Variants in PTCD3 observed in about 807,000 individuals in gnomAD.
PTCD3 encodes pentatricopeptide repeat domain 3.
A neutral mutation model predicts 101.9 loss-of-function variants in PTCD3; 89 were observed. The observed-to-expected ratio is 0.87, with a 90% CI of 0.74 to 1.04. The LOEUF (loss-of-function observed/expected upper bound fraction) is 1.04, where lower values mean the gene tolerates loss of function less well. PTCD3 is among the 50% of genes least tolerant of loss of function. The pLI, the probability that PTCD3 is intolerant of heterozygous loss-of-function variation, is 0.00. For synonymous variants in PTCD3, 296 were observed against 278.5 expected, an observed-to-expected ratio of 1.06 and a Z score of -0.63; for missense variants, 870 against 828.2, an observed-to-expected ratio of 1.05 and a Z score of -0.62.
intron 1 of PTCD3, chr2:86,107,139 C>T (rs753790967): frequency 2.1e-6 from 1 of 470,984 alleles, no homozygotes; most frequent in Admixed American, 2.4e-5. Flanking sequence ...AAAGAGAAAC[C>T]ACTCCATCTG....
chr2:86,127,310 G>A lies in PTCD3; in HGVS notation c.1096+5G>A. The A allele has an allele frequency of 6.2e-7, 1 of 1,613,182 alleles. No homozygotes were observed. The highest frequency in any genetic ancestry group is 1.1e-5 in the South Asian group (1 of 90,902). On this transcript the variant is annotated splice_donor_5th_base_variant and intron_variant, in intron 13 of 23. Coordinates refer to ENST00000254630, the MANE Select transcript of PTCD3 (RefSeq NM_017952.6). ...AAATGAAAGCCATTGGAATAGGTGA[G>A]GATGCGCCCTTGAGTTCTCTGAGGA...
At chr2:86,132,018 T>A (rs1674501648) in intron 16 of PTCD3, among the ~76,000 whole-genome samples, 1 of 152,200 alleles carries the variant, frequency 6.6e-6, no homozygotes, top group Non-Finnish European at 1.5e-5. Context: ...GATTTTGGAG[T>A]TATTTCATGG....
chr2:86,125,440 T>C lies in PTCD3; in HGVS notation c.805-15T>C, dbSNP rs745367129. 6.2e-7 allele frequency: 1 copy of C among 1,608,350 alleles called. No homozygotes were observed. Among genetic ancestry groups the C allele is most frequent in the East Asian group, 2.2e-5 (1 of 44,858 alleles). ...AGTAAATGAATTTGATGATGCTTAA[T>C]TTTTCCTTTTCCAGCACCGAGCTTA... is the stretch of plus-strand genomic sequence containing the variant. On this transcript the variant is annotated splice_polypyrimidine_tract_variant and intron_variant, in intron 10 of 23. Transcript: ENST00000254630.
intron 21 of PTCD3, chr2:86,136,149 G>C: frequency 2.3e-6 from 1 of 439,368 alleles, no homozygotes; most frequent in Non-Finnish European, 4.4e-6. Context: ...TCCTCTACAA[G>C]AGGACAAATA....
At chr2:86,136,419 G>T (rs1189643525) in intron 21 of PTCD3, 102 bp from the exon 22 acceptor site, 2 of 1,175,026 alleles carry the variant, frequency 1.7e-6, no homozygotes, top group Non-Finnish European at 2.5e-6. Context: ...GTATAGTTAA[G>T]AAAAGGGCAT....
chr2:86,117,176 A>G lies in PTCD3; in HGVS notation c.414+17A>G. ...CATATACCGGTAAGGAGAGGTAGTTACATTATTTACATAATACTATTTTAA... is the reference window on the plus strand; with the variant it reads ...CATATACCGGTAAGGAGAGGTAGTTGCATTATTTACATAATACTATTTTAA... On this transcript the variant is annotated intron_variant, in intron 6 of 23. Transcript: ENST00000254630. 1.2e-6 allele frequency: 1 copy of G among 861,590 alleles called. No homozygotes were observed. Among genetic ancestry groups the G allele is most frequent in the Non-Finnish European group, 2.0e-6 (1 of 507,712 alleles). 53.4% of individuals were successfully genotyped at this position (861,590 alleles called of 1,614,324 possible). A position where few individuals can be genotyped will look rare whatever the true frequency, so the allele number is the denominator to read the frequency against.
rs774864956 is a variant in PTCD3 at position 86,137,081 on chromosome 2, T to G, written c.1920T>G (p.Pro640=). 10 of 1,612,234 alleles carry G rather than the reference T, an allele frequency of 6.2e-6. No individual in the cohort carries two copies. Among genetic ancestry groups the G allele is most frequent in the South Asian group, 4.4e-5 (4 of 90,528 alleles). ...VVELASAFSL[P]ICEGLTQRVM... ...AGCTGGCAAGTGCCTTCAGCTTACC[T>G]ATTTGTGAGGGCCTCACCCAGAGAG... The change falls in exon 23 of 24, where the codon CCT becomes CCG. Residue 640 remains proline (P), a synonymous_variant. Coordinates refer to ENST00000254630, the MANE Select transcript of PTCD3 (RefSeq NM_017952.6).
chr2:86,111,069 A>T, intron 3 of PTCD3, 44 bp from the exon 4 acceptor site: 1 of 1,561,940 alleles, frequency 6.4e-7, no homozygotes. Flanking sequence ...GTTTGTGGCT[A>T]TGAAGAGCCC....
chr2:86,124,813 C>T (rs978448275), intron 9 of PTCD3, among the ~76,000 whole-genome samples, 182 bp from the exon 10 acceptor site: 3 of 152,120 alleles, frequency 2.0e-5, no homozygotes, highest in Non-Finnish European at 2.9e-5. Flanking sequence ...ACATTAAGAT[C>T]GTTAAGTCTT....
intron 3 of PTCD3, among the ~76,000 whole-genome samples, chr2:86,109,509 T>G (rs575259853): frequency 6.6e-6 from 1 of 152,258 alleles, no homozygotes; most frequent in East Asian, 1.9e-4. Context: ...CCCAGTGATG[T>G]CAATGCATAG....
At chr2:86,132,622 GTTTTTTT>G (rs11333311) in intron 17 of PTCD3, 198 bp downstream of exon 17, 11 of 218,642 alleles carry the variant, frequency 5.0e-5, no homozygotes, top group South Asian at 1.3e-4. Flanking sequence ...TCCTTTAAGG[GTTTTTTT>G]TTTTTTTTTT....
Position 86,125,832 on chromosome 2 carries a change from A to C in PTCD3, c.903A>C (p.Thr301=). Residue 301 remains threonine (T), a synonymous_variant, in exon 12 of 24, where the codon ACA becomes ACC. Transcript: ENST00000254630. ...CATTTAATGCATTGATTGAAGCAAC[A>C]GTATGTGCGATAAATGAGAAATTTG... is the stretch of plus-strand genomic sequence containing the variant. ...VYTFNALIEA[T]VCAINEKFEE... is the part of the protein sequence containing the mutation. 6.2e-7 allele frequency: 1 copy of C among 1,609,790 alleles called. No individual in the cohort carries two copies. Among genetic ancestry groups the C allele is most frequent in the Non-Finnish European group, 8.5e-7 (1 of 1,176,080 alleles).
In PTCD3 at chr2:86,130,825, T is replaced by C. The variant is rs933282570; in HGVS notation, c.1237+88T>C. On this transcript the variant is annotated intron_variant, in intron 15 of 23. Transcript: ENST00000254630. ...CCAGTTAGAGGCCTTGTGATCCCTA[T>C]AGCTTAGAAGTATTTTTTTTTTTTT... The C allele has an allele frequency of 3.7e-5, 56 of 1,527,508 alleles. 1 individual carries two copies. The highest frequency in any genetic ancestry group is 1.2e-4 in the Admixed American group (5 of 42,790). The allele number at this position is 1,527,508 out of a possible 1,614,324, so 94.6% of individuals were successfully genotyped here.
intron 14 of PTCD3, among the ~76,000 whole-genome samples, chr2:86,130,299 C>G (rs1263982310): frequency 7.0e-6 from 1 of 143,762 alleles, no homozygotes; most frequent in African/African-American, 2.5e-5. Flanking sequence ...GACTCCATCT[C>G]AAAAAAAAAA....
At chr2:86,123,868 A>G (rs1674337601) in intron 9 of PTCD3, 106 bp downstream of exon 9, 2 of 766,966 alleles carry the variant, frequency 2.6e-6, no homozygotes, top group Admixed American at 6.1e-5. Flanking sequence ...AAAATAATTG[A>G]TTTTTATTGT....
chr2:86,116,690 GT>G, intron 5 of PTCD3, 92 bp downstream of exon 5: 3 of 945,310 alleles, frequency 3.2e-6, no homozygotes, highest in Non-Finnish European at 5.0e-6. Context: ...CCTGGGAAAG[GT>G]TTACAAATGC....
chr2:86,121,673 G>A, intron 8 of PTCD3, 79 bp downstream of exon 8: 1 of 856,306 alleles, frequency 1.2e-6, no homozygotes, highest in Non-Finnish European at 1.8e-6. Context: ...AAGATGGGTT[G>A]TTTTGCCATG....
rs754110609 is a variant in PTCD3, at chr2:86,125,037, G to A, written c.759G>A (p.Glu253=). 3.1e-6 allele frequency: 5 copies of A among 1,614,084 alleles called. No individual in the cohort carries two copies. Among genetic ancestry groups the A allele is most frequent in the Admixed American group, 3.3e-5 (2 of 60,022 alleles). Residue 253 remains glutamate, a synonymous_variant, in exon 10 of 24, where the codon GAG becomes GAA. Transcript: ENST00000254630. ...NAERIFSLMP[E]KNEHSYCTMI... is the part of the protein sequence containing the mutation. ...AGAGAATCTTTTCTCTAATGCCAGA[G>A]AAAAATGAACATTCCTATTGCACAA... is the stretch of plus-strand genomic sequence containing the variant.
At position 86,108,420 on chromosome 2, in the gene PTCD3, T is replaced by C; in HGVS notation, c.157+18T>C. The C allele has an allele frequency of 1.9e-6, 3 of 1,597,632 alleles. No homozygotes were observed. The highest frequency in any genetic ancestry group is 2.6e-6 in the Non-Finnish European group (3 of 1,174,142). On this transcript the variant is annotated intron_variant, in intron 2 of 23. Coordinates refer to ENST00000254630, the MANE Select transcript of PTCD3 (RefSeq NM_017952.6). ...TGTAACAGGTATATTTTAAAATATA[T>C]TGAATTCTATTTTTATATCAACACG... is the stretch of plus-strand genomic sequence containing the variant.
Sources: allele counts gnomAD v4.1 joint callset (sites outside exome capture counted in the v4.1 genomes callset), GRCh38; gene constraint gnomAD v4.1.1; transcripts MANE v1.5; gene names NCBI Gene and HGNC (gene_info 2026-07-23, HGNC 2026-07-21).